CSMD1: variants seen among roughly 807,000 people sequenced by gnomAD.
CSMD1 encodes CUB and Sushi multiple domains 1.
In CSMD1, 213 loss-of-function variants were observed where a neutral mutation model predicts 417.5. The ratio of observed to expected loss-of-function variants is 0.51; its 90% CI spans 0.46 to 0.57. The LOEUF (loss-of-function observed/expected upper bound fraction) is 0.57, where lower values mean the gene tolerates loss of function less well. Among genes scored for constraint, CSMD1 ranks in the 20% least tolerant of loss-of-function variants. The pLI is 0.00. For missense variants in CSMD1, 6,923 were observed against 4,529.7 expected (o/e 1.53, Z -15.17); for synonymous variants, 2,862 against 1,736.8 (o/e 1.65, Z -16.11).
intron 1 of CSMD1, among the ~76,000 whole-genome samples, chr8:4,644,935 C>G (rs1396294782): frequency 6.6e-6 from 1 of 151,932 alleles, no homozygotes; most frequent in Non-Finnish European, 1.5e-5. Context: ...TAGAGGTGGT[C>G]GGACAAATTA....
chr8:4,752,316 A>C (rs1811382303), intron 1 of CSMD1, among the ~76,000 whole-genome samples: 1 of 152,182 alleles, frequency 6.6e-6, no homozygotes, highest in African/African-American at 2.4e-5. Flanking sequence ...ACCTTGCTTG[A>C]AATTGCTTTA....
At chr8:4,511,673 G>A (rs986036425) in intron 2 of CSMD1, among the ~76,000 whole-genome samples, 3 of 152,160 alleles carry the variant, frequency 2.0e-5, no homozygotes, top group Admixed American at 1.3e-4. Flanking sequence ...AAGCTCCAGA[G>A]TGGGAGTAGG....
chr8:3,046,559 C>G (rs1390375364), intron 50 of CSMD1, among the ~76,000 whole-genome samples: 1 of 152,132 alleles, frequency 6.6e-6, no homozygotes, highest in Non-Finnish European at 1.5e-5. Flanking sequence ...TGAACTATCT[C>G]TATGTACAGG....
intron 2 of CSMD1, among the ~76,000 whole-genome samples, chr8:4,449,073 C>CT (rs1798980738): frequency 2.0e-5 from 3 of 151,698 alleles, no homozygotes. Flanking sequence ...CTATAAACCT[C>CT]TTTCTAAGGA....
chr8:4,455,778 A>G lies in CSMD1; in HGVS notation c.303-35713T>C, dbSNP rs1041216120. 2.6e-5 allele frequency among the ~76,000 whole-genome samples: 4 copies of G among 151,304 alleles called. No homozygotes were observed. The South Asian group carries it at 8.4e-4, about 32-fold the overall frequency. ...AAACCCCGTCTCTACTAAAAATACA[A>G]AAATTCGCTGGATGTGGTGGCATGT... is the stretch of plus-strand genomic sequence containing the variant. On this transcript the variant is annotated intron_variant, in intron 2 of 69. Transcript: ENST00000635120.
At chr8:4,255,821 G>C (rs1257063636) in intron 3 of CSMD1, among the ~76,000 whole-genome samples, 1 of 152,164 alleles carries the variant, frequency 6.6e-6, no homozygotes, top group South Asian at 2.1e-4. Flanking sequence ...GGCACTGGCT[G>C]GCCTTGGCCT....
chr8:4,138,316 T>G (rs550838298), intron 3 of CSMD1, among the ~76,000 whole-genome samples: 1 of 151,126 alleles, frequency 6.6e-6, no homozygotes, highest in East Asian at 2.0e-4. Flanking sequence ...CACTTCAGAG[T>G]TGAGATTTAC....
chr8:3,847,578 C>G (rs868204665), intron 5 of CSMD1, among the ~76,000 whole-genome samples: 12 of 152,090 alleles, frequency 7.9e-5, no homozygotes, highest in African/African-American at 2.9e-4. Context: ...TCTTGAGGCC[C>G]TGAGAGAAGA....
chr8:4,569,881 G>T (rs974736981), intron 2 of CSMD1, among the ~76,000 whole-genome samples: 1 of 152,110 alleles, frequency 6.6e-6, no homozygotes, highest in African/African-American at 2.4e-5. Flanking sequence ...TGTATTCCTA[G>T]ATATTTTATT....
intron 52 of CSMD1, among the ~76,000 whole-genome samples, chr8:3,002,253 A>G (rs1807469479): frequency 6.6e-6 from 1 of 152,246 alleles, no homozygotes; most frequent in East Asian, 1.9e-4. Flanking sequence ...AAGTGTTATC[A>G]CAGGCACAGA....
At chr8:3,983,435 C>T (rs768465991) in intron 5 of CSMD1, among the ~76,000 whole-genome samples, 2 of 152,042 alleles carry the variant, frequency 1.3e-5, no homozygotes, top group Non-Finnish European at 2.9e-5. Context: ...CGGCCGCAGC[C>T]TCCCACATCT....
intron 5 of CSMD1, among the ~76,000 whole-genome samples, chr8:3,810,057 A>G (rs1008212658): frequency 2.6e-5 from 4 of 152,108 alleles, no homozygotes; most frequent in Non-Finnish European, 4.4e-5. Flanking sequence ...TCACACCTAC[A>G]TATTTTTATT....
At position 3,162,200 on chromosome 8, in the gene CSMD1, C is replaced by A; in HGVS notation, c.5803G>T (p.Asp1935Tyr). Residue 1935 changes from aspartate to tyrosine, a missense_variant, in exon 38 of 70, where the codon GAC (aspartate) becomes TAC (tyrosine). By Grantham distance (160) the Asp-to-Tyr change is radical. Transcript: ENST00000635120. ...IKIGDRYMVN[D>Y]VLSFQCEPGY... ...GGCTCGCACTGGAAGGAGAGCACGT[C>A]GTTCACCATGTACCGATCTCCGATT... The A allele has an allele frequency of 6.2e-7, 1 of 1,610,730 alleles. No homozygotes were observed. The highest frequency in any genetic ancestry group is 8.5e-7 in the Non-Finnish European group (1 of 1,178,570).
intron 23 of CSMD1, among the ~76,000 whole-genome samples, chr8:3,335,417 C>T (rs145389040): frequency 0.022 from 3,378 of 152,302 alleles, 45 homozygotes; most frequent in Non-Finnish European, 0.035. Flanking sequence ...GTGGCTCACG[C>T]CTGTAATCCC....
intron 3 of CSMD1, among the ~76,000 whole-genome samples, chr8:4,234,571 T>G (rs914464840): frequency 6.6e-5 from 10 of 152,232 alleles, no homozygotes; most frequent in Admixed American, 5.9e-4. Context: ...AGTACAATTC[T>G]GCGCTGCTTT....
chr8:4,605,119 C>A (rs13261356), intron 2 of CSMD1, among the ~76,000 whole-genome samples: 16,430 of 152,226 alleles, frequency 0.11, 915 homozygotes, highest in East Asian at 0.15. Context: ...TTTTAAAAAT[C>A]ACTGAAATTA....
In CSMD1 at chr8:3,311,465, G is replaced by C. The variant is rs79051370; in HGVS notation, c.3632-2962C>G. Among the ~76,000 whole-genome samples, 709 of 152,228 alleles carry C rather than the reference G, an allele frequency of 4.7e-3. 4 individuals are homozygous for C. Among genetic ancestry groups the C allele is most frequent in the African/African-American group, 0.016 (644 of 41,540 alleles). ...GGGTTTCACCACGTTGTCTAGGCTT[G>C]TCTCAAACTCCTGACCTCAAGTGAT... On this transcript the variant is annotated intron_variant, in intron 23 of 69. Transcript: ENST00000635120.
chr8:3,508,024 T>G (rs969403509), intron 10 of CSMD1, among the ~76,000 whole-genome samples: 5 of 152,216 alleles, frequency 3.3e-5, no homozygotes, highest in Non-Finnish European at 7.3e-5. Flanking sequence ...AGATCCCATT[T>G]GTCAATTTTG....
chr8:4,249,871 G>A (rs560882713), intron 3 of CSMD1, among the ~76,000 whole-genome samples: 1 of 152,216 alleles, frequency 6.6e-6, no homozygotes, highest in East Asian at 1.9e-4. Context: ...TTCTTGAGTT[G>A]GCAACTAAAT....
Sources: gnomAD v4.1 joint callset for allele counts (sites outside exome capture counted in the v4.1 genomes callset) on GRCh38, gnomAD v4.1.1 for gene constraint, MANE v1.5 for transcripts, NCBI Gene and HGNC (gene_info 2026-07-23, HGNC 2026-07-21) for gene names.